VWC2L: variants seen among roughly 807,000 people sequenced by gnomAD.
VWC2L encodes von Willebrand factor C domain containing 2 like.
A neutral mutation model predicts 21.6 loss-of-function variants in VWC2L; 10 were observed. That is an observed-to-expected ratio of 0.46 (90% CI 0.29 to 0.78). The LOEUF (loss-of-function observed/expected upper bound fraction) is 0.78, where lower values mean the gene tolerates loss of function less well. Among genes scored for constraint, VWC2L ranks in the 30% least tolerant of loss-of-function variants. The pLI is 0.10. For synonymous variants in VWC2L, 96 were observed against 94.3 expected, an observed-to-expected ratio of 1.02 and a Z score of -0.10; for missense variants, 209 against 277.1, an observed-to-expected ratio of 0.75 and a Z score of 1.74.
rs189727685 is a variant in VWC2L, at chr2:214,482,661, A to T, written c.520+45903A>T. On this transcript the variant is annotated intron_variant, in intron 3 of 3. Transcript: ENST00000312504. ...AGTTAATAAATAAATATATATATAT[A>T]TATTTTTTTTTCTTTAATGGCCAGG... Among the ~76,000 whole-genome samples, 1,237 of 148,638 alleles carry T rather than the reference A, an allele frequency of 8.3e-3. 13 individuals carry two copies. The highest frequency in any genetic ancestry group is 0.029 in the African/African-American group (1,180 of 40,184).
intron 3 of VWC2L, among the ~76,000 whole-genome samples, chr2:214,500,330 T>C (rs1458570923): frequency 6.6e-6 from 1 of 152,226 alleles, no homozygotes; most frequent in East Asian, 1.9e-4. Context: ...CTTTCCCTCA[T>C]GTAGATTAAA....
chr2:214,479,630 C>T (rs889203809), intron 3 of VWC2L, among the ~76,000 whole-genome samples: 6 of 152,128 alleles, frequency 3.9e-5, no homozygotes, highest in Non-Finnish European at 8.8e-5. Flanking sequence ...CATGATGAAA[C>T]CCCATCTCTA....
intron 2 of VWC2L, among the ~76,000 whole-genome samples, chr2:214,422,416 T>A (rs1262118644): frequency 2.0e-5 from 3 of 152,210 alleles, no homozygotes; most frequent in Non-Finnish European, 1.5e-5. Flanking sequence ...CCCATGAACA[T>A]ATTTTCACTT....
In VWC2L at chr2:214,478,611, A is replaced by G. The variant is rs56232389; in HGVS notation, c.520+41853A>G. Among the ~76,000 whole-genome samples the G allele has an allele frequency of 3.7e-3, 568 of 152,286 alleles. 5 individuals are homozygous for G. The highest frequency in any genetic ancestry group is 0.013 in the African/African-American group (553 of 41,568). ...TGCTTTTCCTAGAGTTATCTCCTCTACCCACTACCACACTGCAGCTTCCAT... is the reference window on the plus strand; with the variant it reads ...TGCTTTTCCTAGAGTTATCTCCTCTGCCCACTACCACACTGCAGCTTCCAT... On this transcript the variant is annotated intron_variant, in intron 3 of 3. Transcript: ENST00000312504.
chr2:214,530,360 C>A (rs189731598), intron 3 of VWC2L, among the ~76,000 whole-genome samples: 1 of 152,268 alleles, frequency 6.6e-6, no homozygotes, highest in East Asian at 1.9e-4. Context: ...ACCTGTGGAG[C>A]TCAATGACGA....
rs1690265723 is a variant in VWC2L at position 214,578,346 on chromosome 2, G to A, written c.*2526G>A. 6.6e-6 allele frequency: 1 copy of A among 152,138 alleles called. No homozygotes were observed. Among genetic ancestry groups the A allele is most frequent in the Admixed American group, 6.5e-5 (1 of 15,276 alleles). 9.4% of individuals were successfully genotyped at this position (152,138 alleles called of 1,614,324 possible). On this transcript the variant is annotated 3_prime_UTR_variant, in exon 4 of 4. Transcript: ENST00000312504. Reference sequence around the variant, plus strand: ...AGCAAGAATTTACTAGAATTGAATGGGACATCCATTAAGGATCTCTCTTCA... The same window carrying A: ...AGCAAGAATTTACTAGAATTGAATGAGACATCCATTAAGGATCTCTCTTCA...
At chr2:214,534,408 T>C (rs984610487) in intron 3 of VWC2L, among the ~76,000 whole-genome samples, 2 of 152,100 alleles carry the variant, frequency 1.3e-5, no homozygotes, top group African/African-American at 4.8e-5. Context: ...GCATAACAAC[T>C]GCAGTTGTGA....
At chr2:214,413,215 T>C (rs1249187158) in intron 1 of VWC2L, among the ~76,000 whole-genome samples, 1 of 152,028 alleles carries the variant, frequency 6.6e-6, no homozygotes. Flanking sequence ...ATTTCAAGAG[T>C]TATGTTTTCA....
intron 3 of VWC2L, among the ~76,000 whole-genome samples, chr2:214,501,448 C>T (rs149029219): frequency 1.8e-3 from 271 of 152,234 alleles, no homozygotes; most frequent in Non-Finnish European, 2.9e-3. Flanking sequence ...ATAGGCCAGA[C>T]GTGGTGGCTC....
intron 2 of VWC2L, among the ~76,000 whole-genome samples, chr2:214,432,701 G>T (rs1251061038): frequency 2.0e-5 from 3 of 152,020 alleles, no homozygotes; most frequent in Admixed American, 2.0e-4. Flanking sequence ...GGGCCAGCTG[G>T]GACAGCATTT....
intron 3 of VWC2L, among the ~76,000 whole-genome samples, chr2:214,570,895 TG>T (rs1411888417): frequency 6.6e-6 from 1 of 152,178 alleles, no homozygotes; most frequent in Admixed American, 6.5e-5. Context: ...TCCTGAGTTA[TG>T]GGCCACTTTA....
At chr2:214,414,064 A>C in intron 1 of VWC2L, 50 bp from the exon 2 acceptor site, 4 of 1,027,508 alleles carry the variant, frequency 3.9e-6, no homozygotes, top group Non-Finnish European at 5.4e-6. Flanking sequence ...AAATGAATCT[A>C]TCTTCACTTT....
chr2:214,442,190 G>A (rs1471532844), intron 3 of VWC2L, among the ~76,000 whole-genome samples: 2 of 152,112 alleles, frequency 1.3e-5, no homozygotes, highest in Non-Finnish European at 2.9e-5. Context: ...GATTACAGGC[G>A]TGAGCCACTG....
At chr2:214,468,655 T>C (rs1471430540) in intron 3 of VWC2L, among the ~76,000 whole-genome samples, 1 of 151,620 alleles carries the variant, frequency 6.6e-6, no homozygotes, top group Non-Finnish European at 1.5e-5. Context: ...ATCAAAGTAA[T>C]TAACTTTATC....
At chr2:214,566,139 T>C (rs868537422) in intron 3 of VWC2L, among the ~76,000 whole-genome samples, 83 of 152,194 alleles carry the variant, frequency 5.5e-4, no homozygotes, top group African/African-American at 1.9e-3. Flanking sequence ...GCTGAGAGAT[T>C]ATTCCATCAT....
At chr2:214,413,532 T>C (rs1166856027) in intron 1 of VWC2L, among the ~76,000 whole-genome samples, 4 of 152,198 alleles carry the variant, frequency 2.6e-5, no homozygotes, top group Non-Finnish European at 5.9e-5. Flanking sequence ...TCACATTCAC[T>C]TAAACAGGTA....
intron 2 of VWC2L, among the ~76,000 whole-genome samples, chr2:214,435,838 T>C (rs903268907): frequency 2.6e-5 from 4 of 152,164 alleles, no homozygotes; most frequent in Non-Finnish European, 5.9e-5. Context: ...ATTTGTGCCA[T>C]AGGCAGTTTC....
intron 3 of VWC2L, among the ~76,000 whole-genome samples, chr2:214,511,826 CTA>C (rs986979065): frequency 1.0e-3 from 126 of 121,768 alleles, no homozygotes; most frequent in African/African-American, 2.8e-3. Context: ...ACACAACACA[CTA>C]TATATATATA....
intron 3 of VWC2L, chr2:214,472,146 G>A (rs1703318050): frequency 6.6e-6 from 1 of 152,082 alleles, no homozygotes; most frequent in Non-Finnish European, 1.5e-5. Flanking sequence ...TAAGTATTGG[G>A]TATGACTCAC....
Sources: gnomAD v4.1 joint callset for allele counts (sites outside exome capture counted in the v4.1 genomes callset) on GRCh38, gnomAD v4.1.1 for gene constraint, MANE v1.5 for transcripts, NCBI Gene and HGNC (gene_info 2026-07-23, HGNC 2026-07-21) for gene names.